NCAPD3: variants seen among roughly 807,000 people sequenced by gnomAD.
NCAPD3 encodes condensin-2 complex subunit D3.
In NCAPD3, 105 loss-of-function variants were observed where a neutral mutation model predicts 182.9. The observed-to-expected ratio is 0.57, with a 90% confidence interval of 0.49 to 0.68. The LOEUF is 0.68. Among genes scored for constraint, NCAPD3 ranks in the 30% least tolerant of loss-of-function variants. The pLI, the probability that NCAPD3 is intolerant of heterozygous loss-of-function variation, is 0.00. For missense variants in NCAPD3, 1,944 were observed against 1,837.0 expected (o/e 1.06, Z -1.07); for synonymous variants, 815 against 679.9 (o/e 1.20, Z -3.09).
At position 134,153,043 on chromosome 11, in the gene NCAPD3, C is replaced by A; in HGVS notation, c.4398G>T (p.Gln1466His). ...CLSLPDKPPP[Q>H]PQQWNVRSPA... ...GAGACCGCACATTCCACTGCTGAGG[C>A]TGTGGGGGCCTAGGGAAAGGACATG... The change falls in exon 35 of 35, where the codon CAG (glutamine) becomes CAT (histidine). Residue 1466 changes from glutamine (Q) to histidine (H), a missense_variant. By Grantham distance (24) the Gln-to-His change is conservative. Transcript: ENST00000534548. 6.2e-7 allele frequency: 1 copy of A among 1,602,824 alleles called. No individual in the cohort carries two copies. The highest frequency in any genetic ancestry group is 8.5e-7 in the Non-Finnish European group (1 of 1,172,280).
chr11:134,156,978 A>G, intron 32 of NCAPD3, 40 bp downstream of exon 32: 1 of 1,521,044 alleles, frequency 6.6e-7, no homozygotes, highest in Non-Finnish European at 9.1e-7. Flanking sequence ...AATGCAGGAG[A>G]GACTGAGGAG....
chr11:134,159,765 C>T (rs1383735607), intron 29 of NCAPD3, 127 bp downstream of exon 29: 25 of 1,008,424 alleles, frequency 2.5e-5, no homozygotes, highest in Non-Finnish European at 3.5e-5. Flanking sequence ...ACAAGCAGCA[C>T]TCTCGAGGCC....
At chr11:134,195,592 A>G (rs993866801) in intron 13 of NCAPD3, among the ~76,000 whole-genome samples, 13 of 152,188 alleles carry the variant, frequency 8.5e-5, no homozygotes, top group African/African-American at 3.1e-4. Flanking sequence ...AACTAAAAAT[A>G]GTGAAAAGGC....
At chr11:134,223,207 G>C (rs1200777118) in intron 1 of NCAPD3, 1 of 554,060 alleles carries the variant, frequency 1.8e-6, no homozygotes, top group African/African-American at 1.9e-5. Flanking sequence ...TTCTGCAAAA[G>C]TGTGGGGGAT....
chr11:134,169,580 G>A (rs890157217), intron 24 of NCAPD3, among the ~76,000 whole-genome samples: 3 of 152,192 alleles, frequency 2.0e-5, no homozygotes, highest in African/African-American at 7.2e-5. Context: ...AGTTCCCTCT[G>A]CAAAGCAACT....
intron 13 of NCAPD3, among the ~76,000 whole-genome samples, chr11:134,199,915 T>C (rs1944715778): frequency 6.6e-6 from 1 of 152,164 alleles, no homozygotes; most frequent in Non-Finnish European, 1.5e-5. Flanking sequence ...TAATATAGAA[T>C]ATAGAGCACA....
At chr11:134,205,090 G>C in intron 8 of NCAPD3, 119 bp from the exon 9 acceptor site, 2 of 678,662 alleles carry the variant, frequency 2.9e-6, no homozygotes, top group African/African-American at 3.7e-5. Flanking sequence ...CGCTATAAGA[G>C]TGGTTTCAGT....
At chr11:134,165,674 C>G (rs1219903262) in intron 27 of NCAPD3, among the ~76,000 whole-genome samples, 1 of 130,824 alleles carries the variant, frequency 7.6e-6, no homozygotes, top group Non-Finnish European at 1.6e-5. Context: ...AGGGGAGCAG[C>G]ATACTCATTT....
At chr11:134,206,569 G>C in intron 8 of NCAPD3, 30 bp downstream of exon 8, 1 of 1,612,004 alleles carries the variant, frequency 6.2e-7, no homozygotes, top group Non-Finnish European at 8.5e-7. Context: ...GAGACTGACA[G>C]GGTGAAAATT....
At chr11:134,166,760 C>CACTA (rs1273951529) in intron 27 of NCAPD3, among the ~76,000 whole-genome samples, 4 of 97,124 alleles carry the variant, frequency 4.1e-5, no homozygotes, top group African/African-American at 1.3e-4. Context: ...GGCGCACACT[C>CACTA]GTGAGATGAG....
chr11:134,217,191 A>G (rs1028873469), intron 2 of NCAPD3, 93 bp from the exon 3 acceptor site: 2 of 1,233,342 alleles, frequency 1.6e-6, no homozygotes, highest in African/African-American at 1.6e-5. Flanking sequence ...GTGCCTTACA[A>G]AAAGAGGAAT....
intron 30 of NCAPD3, 30 bp from the exon 31 acceptor site, chr11:134,158,097 T>A: frequency 6.2e-7 from 1 of 1,606,878 alleles, no homozygotes. Flanking sequence ...CCGCTGACTT[T>A]CTCACTGCAG....
chr11:134,220,751 G>T, intron 1 of NCAPD3, 25 bp from the exon 2 acceptor site: 1 of 1,595,520 alleles, frequency 6.3e-7, no homozygotes, highest in Non-Finnish European at 8.6e-7. Context: ...AATGAAATGT[G>T]TAAGTACTCT....
intron 24 of NCAPD3, among the ~76,000 whole-genome samples, chr11:134,174,480 G>C (rs1278046634): frequency 1.3e-5 from 2 of 148,814 alleles, no homozygotes; most frequent in South Asian, 4.2e-4. Context: ...GTCAGGCACA[G>C]AAAGATACAT....
rs569278641 is a variant in NCAPD3, at chr11:134,199,737, A to G, written c.1615+3079T>C. Among the ~76,000 whole-genome samples, 25 of 152,310 alleles carry G rather than the reference A, an allele frequency of 1.6e-4. No homozygotes were observed. In the South Asian group the frequency reaches 4.4e-3, roughly 27 times the overall value. ...AGATCTCTCCCGCATAACACGCACT[A>G]GACATGTTAATAAACTTGTTTGTCT... On this transcript the variant is annotated intron_variant, in intron 13 of 34. Transcript: ENST00000534548.
chr11:134,220,870 A>G (rs1161664952), intron 1 of NCAPD3, 144 bp from the exon 2 acceptor site: 1 of 691,766 alleles, frequency 1.4e-6, no homozygotes, highest in East Asian at 2.7e-5. Context: ...TAGGTGTAGC[A>G]TAATAAAAGA....
In NCAPD3 at chr11:134,204,877, A is replaced by G. The variant is rs1944817847; in HGVS notation, c.1089+22T>C. The G allele has an allele frequency of 6.4e-7, 1 of 1,573,858 alleles. No homozygotes were observed. The highest frequency in any genetic ancestry group is 1.4e-5 in the African/African-American group (1 of 73,978). ...CACACGATATACTTCCATGTTATTA[A>G]TATTACTAAGGCAAACAGTACCTTG... On this transcript the variant is annotated intron_variant, in intron 9 of 34. Coordinates refer to ENST00000534548, the MANE Select transcript of NCAPD3 (RefSeq NM_015261.3). This position sits in a 1 kb window ranked among gnomAD's most constrained non-coding sequence, Gnocchi z 4.3.
At chr11:134,216,086 T>C (rs961334130) in intron 3 of NCAPD3, among the ~76,000 whole-genome samples, 5 of 152,134 alleles carry the variant, frequency 3.3e-5, no homozygotes, top group South Asian at 2.1e-4. Flanking sequence ...CACTACTTTT[T>C]TGAGAGAGGG....
chr11:134,216,025 T>A (rs949278082), intron 3 of NCAPD3, among the ~76,000 whole-genome samples: 10 of 152,120 alleles, frequency 6.6e-5, no homozygotes, highest in Non-Finnish European at 1.2e-4. Context: ...TCAACCTTAA[T>A]CAGAAGAAAC....
Sources: allele counts gnomAD v4.1 joint callset (sites outside exome capture counted in the v4.1 genomes callset), GRCh38; gene constraint gnomAD v4.1.1; non-coding constraint Gnocchi (gnomAD v3.1); transcripts MANE v1.5; gene names NCBI Gene and HGNC (gene_info 2026-07-23, HGNC 2026-07-21).